Variants in F5 observed in about 807,000 individuals in gnomAD.
F5 encodes the protein activated protein c cofactor.
A neutral mutation model predicts 216.4 loss-of-function variants in F5; 138 were observed. The observed-to-expected ratio is 0.64, with a 90% CI of 0.56 to 0.73. The LOEUF is 0.73. F5 is among the 30% of genes least tolerant of loss of function. The probability of loss-of-function intolerance (pLI) is 0.00; values close to 1 mark genes in which losing one functional copy is unlikely to be tolerated. For missense variants in F5, 2,403 were observed against 2,674.0 expected (o/e 0.90, Z 2.24); for synonymous variants, 916 against 930.7 (o/e 0.98, Z 0.29).
At chr1:169,550,081 A>G in intron 9 of F5, 66 bp from the exon 10 acceptor site, 1 of 1,305,418 alleles carries the variant, frequency 7.7e-7, no homozygotes, top group Non-Finnish European at 1.1e-6. Flanking sequence ...AAATAAATAA[A>G]TAAGCTTTCG....
At chr1:169,555,051 A>C in intron 7 of F5, 131 bp downstream of exon 7, 2 of 1,032,576 alleles carry the variant, frequency 1.9e-6, no homozygotes, top group Non-Finnish European at 3.0e-6. Flanking sequence ...AATTTTTACA[A>C]AAAGACTTGA....
intron 3 of F5, among the ~76,000 whole-genome samples, chr1:169,562,065 T>C (rs1293736605): frequency 6.6e-6 from 1 of 151,998 alleles, no homozygotes; most frequent in East Asian, 1.9e-4. Context: ...TATAATAACA[T>C]TTACCACTTT....
At position 169,532,857 on chromosome 1, in the gene F5, C is replaced by T. The variant is rs934536235; in HGVS notation, c.4972-1835G>A. Among the ~76,000 whole-genome samples, 4 of 152,114 alleles carry T rather than the reference C, an allele frequency of 2.6e-5. No homozygotes were observed. The East Asian group carries it at 7.7e-4, about 29-fold the overall frequency. On this transcript the variant is annotated intron_variant, in intron 14 of 24. Transcript: ENST00000367797. ...TTTAACAACTACTGGAATCATTTTC[C>T]TCAGGATTAGACAAAGCTATTCTAA...
intron 24 of F5, 93 bp from the exon 25 acceptor site, chr1:169,514,552 G>T: frequency 9.0e-7 from 1 of 1,117,208 alleles, no homozygotes; most frequent in Non-Finnish European, 1.3e-6. Flanking sequence ...TTATTCTGTT[G>T]CCCAGGCTTG....
At chr1:169,554,788 G>A (rs954916422) in intron 7 of F5, among the ~76,000 whole-genome samples, 1 of 152,194 alleles carries the variant, frequency 6.6e-6, no homozygotes, top group Admixed American at 6.5e-5. Flanking sequence ...CTGTTATTAT[G>A]AGTGAATTTG....
At chr1:169,582,860 T>C (rs906486739) in intron 1 of F5, among the ~76,000 whole-genome samples, 2 of 152,228 alleles carry the variant, frequency 1.3e-5, no homozygotes, top group Non-Finnish European at 2.9e-5. Flanking sequence ...TATGACCAAA[T>C]CCTTTATGAA....
At chr1:169,582,891 C>A (rs1015712694) in intron 1 of F5, among the ~76,000 whole-genome samples, 1 of 152,142 alleles carries the variant, frequency 6.6e-6, no homozygotes, top group Non-Finnish European at 1.5e-5. Context: ...AGCTGTTTTT[C>A]AACTGATCAA....
At chr1:169,580,390 T>TG (rs200394979) in intron 2 of F5, among the ~76,000 whole-genome samples, 180 of 127,854 alleles carry the variant, frequency 1.4e-3, no homozygotes, top group African/African-American at 4.5e-3. Context: ...TTGTTGTTGT[T>TG]TTTTTTTTTT....
Position 169,559,351 on chromosome 1 carries a change from G to C in F5, c.587-55C>G. 6 of 1,584,990 alleles carry C rather than the reference G, an allele frequency of 3.8e-6. No individual in the cohort carries two copies. In the East Asian group the frequency reaches 1.1e-4, roughly 30 times the overall value. On this transcript the variant is annotated intron_variant, in intron 4 of 24. Transcript: ENST00000367797. ...CACTGCAGATAGAAGACGCTCATTA[G>C]CTTTCCTGGATAGCAAAGAGTTTAG...
intron 14 of F5, among the ~76,000 whole-genome samples, chr1:169,532,518 T>TACAAAATC (rs1476027658): frequency 6.6e-6 from 1 of 152,190 alleles, no homozygotes; most frequent in East Asian, 1.9e-4. Flanking sequence ...AAGATTAATG[T>TACAAAATC]ACAAAATCAA....
chr1:169,550,548 T>C (rs1477904453), intron 9 of F5, 92 bp downstream of exon 9: 6 of 909,680 alleles, frequency 6.6e-6, no homozygotes, highest in Non-Finnish European at 1.1e-5. Context: ...CTGACTGCAG[T>C]AGTGACACCA....
intron 14 of F5, among the ~76,000 whole-genome samples, chr1:169,532,316 T>G (rs1027227210): frequency 6.6e-6 from 1 of 152,086 alleles, no homozygotes; most frequent in African/African-American, 2.4e-5. Flanking sequence ...CTCATCACTC[T>G]TATTCAACAT....
chr1:169,526,397 T>A (rs1008718285), intron 17 of F5, among the ~76,000 whole-genome samples: 1 of 152,176 alleles, frequency 6.6e-6, no homozygotes, highest in Non-Finnish European at 1.5e-5. Flanking sequence ...TTTTGCTTTT[T>A]TCTCTTTTTT....
chr1:169,526,619 C>A (rs1215449414), intron 17 of F5, among the ~76,000 whole-genome samples: 1 of 151,956 alleles, frequency 6.6e-6, no homozygotes, highest in Admixed American at 6.6e-5. Context: ...GACTGTTTCC[C>A]AGATTGTGGG....
chr1:169,553,176 C>A (rs966643539), intron 7 of F5, among the ~76,000 whole-genome samples: 1 of 152,184 alleles, frequency 6.6e-6, no homozygotes, highest in African/African-American at 2.4e-5. Context: ...CATTGTTAAT[C>A]ATAGTTCTGT....
intron 13 of F5, 137 bp downstream of exon 13, chr1:169,540,156 AG>A: frequency 1.2e-6 from 1 of 865,752 alleles, no homozygotes; most frequent in South Asian, 1.6e-5. Flanking sequence ...CAAAGGAAAA[AG>A]AACAGGCCAA....
chr1:169,531,137 G>A (rs1659588197), intron 14 of F5, 115 bp from the exon 15 acceptor site: 1 of 773,518 alleles, frequency 1.3e-6, no homozygotes, highest in African/African-American at 1.7e-5. Flanking sequence ...AAGATATAAG[G>A]TACAAAATAA....
chr1:169,515,279 C>A (rs1357552350), intron 24 of F5, among the ~76,000 whole-genome samples, 165 bp downstream of exon 24: 6 of 152,108 alleles, frequency 3.9e-5, no homozygotes, highest in African/African-American at 1.2e-4. Context: ...CAAACCAAAA[C>A]AGACAACCAG....
At chr1:169,528,410 C>T (rs1029513647) in intron 16 of F5, among the ~76,000 whole-genome samples, 1 of 152,170 alleles carries the variant, frequency 6.6e-6, no homozygotes, top group African/African-American at 2.4e-5. Context: ...CATTAACAGT[C>T]TTAATTTTCC....
Sources: allele counts gnomAD v4.1 joint callset (sites outside exome capture counted in the v4.1 genomes callset), GRCh38; gene constraint gnomAD v4.1.1; transcripts MANE v1.5; gene names NCBI Gene and HGNC (gene_info 2026-07-23, HGNC 2026-07-21).